The following EPHA5 variants were observed in gnomAD, a reference collection of about 807,000 sequenced individuals.
The protein encoded by EPHA5 is EPH receptor A5, also known as ephrin type-A receptor 5.
Under a neutral mutation model 105.0 loss-of-function variants are expected in EPHA5, and 60 were observed. The observed-to-expected ratio is 0.57, with a 90% CI of 0.46 to 0.71. EPHA5 has a LOEUF of 0.71. Ranked by LOEUF, EPHA5 falls within the 30% of genes least tolerant of loss-of-function variation. The pLI, the probability that EPHA5 is intolerant of heterozygous loss-of-function variation, is 0.00. For missense variants in EPHA5, 1,218 were observed against 1,274.7 expected, an observed-to-expected ratio of 0.96 and a Z score of 0.68; for synonymous variants, 513 against 449.1, an observed-to-expected ratio of 1.14 and a Z score of -1.80.
At chr4:65,466,963 T>C (rs1314041317) in intron 5 of EPHA5, among the ~76,000 whole-genome samples, 2 of 152,132 alleles carry the variant, frequency 1.3e-5, no homozygotes, top group Non-Finnish European at 2.9e-5. Flanking sequence ...CCACATGAAT[T>C]TCCCACATCT....
intron 1 of EPHA5, among the ~76,000 whole-genome samples, chr4:65,649,019 C>A (rs1253512719): frequency 6.6e-6 from 1 of 152,156 alleles, no homozygotes; most frequent in Non-Finnish European, 1.5e-5. Flanking sequence ...TTTCTGGCAT[C>A]CCTTGACTGG....
At chr4:65,522,085 A>C (rs1199570940) in intron 3 of EPHA5, among the ~76,000 whole-genome samples, 1 of 151,954 alleles carries the variant, frequency 6.6e-6, no homozygotes, top group Non-Finnish European at 1.5e-5. Flanking sequence ...ACAGAAAAAA[A>C]ACTAAGATCT....
At chr4:65,658,240 C>T (rs1450623739) in intron 1 of EPHA5, among the ~76,000 whole-genome samples, 7 of 152,004 alleles carry the variant, frequency 4.6e-5, no homozygotes, top group Non-Finnish European at 1.0e-4. Context: ...GATCCTATTG[C>T]ACTAAGAGCA....
chr4:65,423,650 C>A (rs984886622), intron 5 of EPHA5, among the ~76,000 whole-genome samples: 1 of 150,350 alleles, frequency 6.7e-6, no homozygotes, highest in Non-Finnish European at 1.5e-5. Flanking sequence ...GATATACCCC[C>A]ATCATTATGG....
At chr4:65,350,638 A>G (rs1379793971) in intron 13 of EPHA5, among the ~76,000 whole-genome samples, 1 of 152,154 alleles carries the variant, frequency 6.6e-6, no homozygotes, top group African/African-American at 2.4e-5. Flanking sequence ...GTATGACATT[A>G]CAGATCACCC....
At chr4:65,426,274 A>C (rs1055533040) in intron 5 of EPHA5, among the ~76,000 whole-genome samples, 1 of 151,750 alleles carries the variant, frequency 6.6e-6, no homozygotes, top group African/African-American at 2.4e-5. Context: ...TTTCTTGAGC[A>C]CTCTAAATTT....
chr4:65,586,977 G>T (rs925946697), intron 3 of EPHA5, among the ~76,000 whole-genome samples: 2 of 152,030 alleles, frequency 1.3e-5, no homozygotes, highest in African/African-American at 4.8e-5. Flanking sequence ...CAGAGAAGTA[G>T]CAATTATTTT....
At chr4:65,654,923 G>C (rs1409406638) in intron 1 of EPHA5, among the ~76,000 whole-genome samples, 4 of 146,458 alleles carry the variant, frequency 2.7e-5, no homozygotes, top group Non-Finnish European at 6.0e-5. Flanking sequence ...TTATATGTAT[G>C]TATATAAGCT....
intron 2 of EPHA5, among the ~76,000 whole-genome samples, chr4:65,610,427 A>G (rs1744660310): frequency 6.6e-6 from 1 of 152,106 alleles, no homozygotes; most frequent in African/African-American, 2.4e-5. Flanking sequence ...TATGCTCACT[A>G]TCTGAGTGAC....
intron 11 of EPHA5, among the ~76,000 whole-genome samples, chr4:65,356,208 C>T (rs1004817681): frequency 6.6e-6 from 1 of 151,322 alleles, no homozygotes; most frequent in South Asian, 2.1e-4. Flanking sequence ...CTTTCAGTTT[C>T]TTTCTTCTTT....
intron 11 of EPHA5, among the ~76,000 whole-genome samples, chr4:65,357,625 AC>A (rs957236115): frequency 6.5e-4 from 98 of 151,558 alleles, no homozygotes; most frequent in African/African-American, 2.2e-3. Flanking sequence ...AAGTAGTTAA[AC>A]CCACAGAAGC....
chr4:65,358,355 A>G (rs1053024905), intron 11 of EPHA5, among the ~76,000 whole-genome samples: 1 of 151,598 alleles, frequency 6.6e-6, no homozygotes, highest in South Asian at 2.1e-4. Context: ...TCTCTTAGAA[A>G]TATATTTTAA....
At position 65,363,600 on chromosome 4, in the gene EPHA5, T is replaced by G. The variant is rs561067080; in HGVS notation, c.2173+1417A>C. 9.9e-5 allele frequency among the ~76,000 whole-genome samples: 15 copies of G among 151,618 alleles called. No homozygotes were observed. The South Asian group carries it at 3.1e-3, about 31-fold the overall frequency. On this transcript the variant is annotated intron_variant, in intron 11 of 16. Coordinates refer to ENST00000613740, the MANE Select transcript of EPHA5 (RefSeq NM_001281766.3). ...AGAGTTTATTTTCAGAAAGTTGAAT[T>G]TGGTAGCCATGTGAATAAGGTGATG...
intron 4 of EPHA5, among the ~76,000 whole-genome samples, chr4:65,491,070 CA>C (rs1164893775): frequency 7.9e-5 from 12 of 152,018 alleles, no homozygotes; most frequent in African/African-American, 2.9e-4. Flanking sequence ...AATGTTTCCT[CA>C]TTGGTGCTAA....
intron 2 of EPHA5, among the ~76,000 whole-genome samples, chr4:65,610,759 T>C (rs1428400863): frequency 6.6e-6 from 1 of 152,124 alleles, no homozygotes; most frequent in Non-Finnish European, 1.5e-5. Context: ...GTACATGTGA[T>C]CTAATTTGTC....
chr4:65,489,409 G>A (rs963766765), intron 5 of EPHA5, among the ~76,000 whole-genome samples: 39 of 152,230 alleles, frequency 2.6e-4, no homozygotes, highest in Admixed American at 9.8e-4. Flanking sequence ...GTGAGTACTG[G>A]TGGCAAGGAT....
At chr4:65,435,851 G>A (rs941378381) in intron 5 of EPHA5, among the ~76,000 whole-genome samples, 1 of 152,022 alleles carries the variant, frequency 6.6e-6, no homozygotes, top group African/African-American at 2.4e-5. Context: ...ACAATTGGTG[G>A]ATTCAATTAT....
At chr4:65,331,945 T>C (rs1246648513) in intron 16 of EPHA5, 28 bp downstream of exon 16, 1 of 1,573,458 alleles carries the variant, frequency 6.4e-7, no homozygotes, top group Non-Finnish European at 8.6e-7. Flanking sequence ...CCAGCAATTA[T>C]GTAAAAATTA....
chr4:65,445,496 C>G (rs576753750), intron 5 of EPHA5, among the ~76,000 whole-genome samples: 1 of 151,996 alleles, frequency 6.6e-6, no homozygotes, highest in Non-Finnish European at 1.5e-5. Flanking sequence ...CATATAGTTT[C>G]GTAGTAATGA....
Sources: allele counts gnomAD v4.1 joint callset (sites outside exome capture counted in the v4.1 genomes callset), GRCh38; gene constraint gnomAD v4.1.1; transcripts MANE v1.5; gene names NCBI Gene and HGNC (gene_info 2026-07-23, HGNC 2026-07-21).